CNTNAP2: variants seen among roughly 807,000 people sequenced by gnomAD.
CNTNAP2 encodes the protein contactin-associated protein-like 2.
CNTNAP2 carries 98 observed loss-of-function variants against 155.2 expected under a neutral mutation model. That is an observed-to-expected ratio of 0.63 (90% confidence interval 0.54 to 0.75). The LOEUF is 0.75. Ranked by LOEUF, CNTNAP2 falls within the 30% of genes least tolerant of loss-of-function variation. The probability of loss-of-function intolerance (pLI) is 0.00; values close to 1 mark genes in which losing one functional copy is unlikely to be tolerated. For synonymous variants in CNTNAP2, 651 were observed against 631.2 expected (o/e 1.03, Z -0.47); for missense variants, 1,727 against 1,688.1 (o/e 1.02, Z -0.40).
chr7:147,653,059 AT>A (rs1795472411), intron 13 of CNTNAP2, among the ~76,000 whole-genome samples: 1 of 152,180 alleles, frequency 6.6e-6, no homozygotes, highest in Non-Finnish European at 1.5e-5. Context: ...AAAACATTTG[AT>A]GTGAAAGAAA....
intron 8 of CNTNAP2, among the ~76,000 whole-genome samples, chr7:147,239,510 C>CA (rs74785209): frequency 0.064 from 4,789 of 74,720 alleles, 179 homozygotes; most frequent in Admixed American, 0.15. Context: ...ACTCCGTTTC[C>CA]AAAAAAAAAA....
chr7:146,957,121 G>A (rs1797452854), intron 3 of CNTNAP2, among the ~76,000 whole-genome samples: 1 of 152,074 alleles, frequency 6.6e-6, no homozygotes, highest in African/African-American at 2.4e-5. Context: ...AACAGACCTA[G>A]ATGGTATAGC....
At chr7:146,291,660 C>T (rs1403981850) in intron 1 of CNTNAP2, among the ~76,000 whole-genome samples, 1 of 152,082 alleles carries the variant, frequency 6.6e-6, no homozygotes, top group Non-Finnish European at 1.5e-5. Context: ...GAATGAGTAA[C>T]AGCAGAAAGA....
At chr7:146,844,505 T>A (rs1396406716) in intron 3 of CNTNAP2, among the ~76,000 whole-genome samples, 2 of 151,236 alleles carry the variant, frequency 1.3e-5, no homozygotes, top group African/African-American at 4.9e-5. Context: ...AAGTATAATC[T>A]GTTAGAGAGA....
At chr7:146,296,972 G>C (rs1279004658) in intron 1 of CNTNAP2, among the ~76,000 whole-genome samples, 2 of 152,144 alleles carry the variant, frequency 1.3e-5, no homozygotes, top group East Asian at 3.9e-4. Context: ...GTGTGTGTGT[G>C]TGTGTGTTTC....
At chr7:147,671,602 G>A (rs1273206500) in intron 13 of CNTNAP2, 2 of 151,944 alleles carry the variant, frequency 1.3e-5, no homozygotes, top group African/African-American at 2.4e-5. Context: ...AATACAGAAT[G>A]TTCCCCAAAT....
intron 1 of CNTNAP2, among the ~76,000 whole-genome samples, chr7:146,411,843 T>A (rs1430789285): frequency 8.5e-6 from 1 of 117,474 alleles, no homozygotes; most frequent in African/African-American, 4.3e-5. Flanking sequence ...TATTTATTTA[T>A]TTATTTTATT....
intron 1 of CNTNAP2, among the ~76,000 whole-genome samples, chr7:146,430,438 C>A (rs1484084770): frequency 6.6e-6 from 1 of 151,990 alleles, no homozygotes; most frequent in African/African-American, 2.4e-5. Flanking sequence ...TATAATCTAC[C>A]TTTCACTTGA....
At chr7:148,217,814 T>C (rs1457992303) in intron 19 of CNTNAP2, among the ~76,000 whole-genome samples, 1 of 152,230 alleles carries the variant, frequency 6.6e-6, no homozygotes, top group Non-Finnish European at 1.5e-5. Flanking sequence ...GTAATGATTA[T>C]TTTTTCTCCC....
intron 15 of CNTNAP2, among the ~76,000 whole-genome samples, chr7:148,098,365 A>G (rs1804015961): frequency 7.0e-6 from 1 of 143,724 alleles, no homozygotes; most frequent in Admixed American, 7.3e-5. Context: ...AATCGCTTGA[A>G]TCCAGGAGGC....
At chr7:146,353,787 T>C (rs1360558662) in intron 1 of CNTNAP2, among the ~76,000 whole-genome samples, 1 of 151,330 alleles carries the variant, frequency 6.6e-6, no homozygotes, top group East Asian at 1.9e-4. Flanking sequence ...ATTAAAACAA[T>C]AATAATAATA....
intron 3 of CNTNAP2, among the ~76,000 whole-genome samples, chr7:146,849,567 T>C (rs1025496896): frequency 6.6e-6 from 1 of 152,212 alleles, no homozygotes; most frequent in African/African-American, 2.4e-5. Flanking sequence ...TCGTGGTGTG[T>C]ATTTAACTAT....
At chr7:146,947,218 A>T (rs919243741) in intron 3 of CNTNAP2, among the ~76,000 whole-genome samples, 1 of 151,604 alleles carries the variant, frequency 6.6e-6, no homozygotes, top group Non-Finnish European at 1.5e-5. Context: ...GTTAGAAAAA[A>T]AAAAGTTTGG....
At chr7:147,544,211 C>A (rs1183502673) in intron 11 of CNTNAP2, among the ~76,000 whole-genome samples, 2 of 151,992 alleles carry the variant, frequency 1.3e-5, no homozygotes, top group Admixed American at 1.3e-4. Context: ...ACTAAATTGG[C>A]AAATTATGTT....
At chr7:147,985,031 C>T (rs1234182606) in intron 15 of CNTNAP2, among the ~76,000 whole-genome samples, 1 of 152,016 alleles carries the variant, frequency 6.6e-6, no homozygotes, top group Non-Finnish European at 1.5e-5. Context: ...ATGAGAATCG[C>T]TTGAACCCAG....
At chr7:146,372,075 T>C (rs552174700) in intron 1 of CNTNAP2, among the ~76,000 whole-genome samples, 25 of 151,990 alleles carry the variant, frequency 1.6e-4, no homozygotes, top group Non-Finnish European at 3.1e-4. Flanking sequence ...ATTTACAAAA[T>C]AGGACAATGA....
At chr7:146,377,670 T>G (rs1313200006) in intron 1 of CNTNAP2, among the ~76,000 whole-genome samples, 1 of 152,208 alleles carries the variant, frequency 6.6e-6, no homozygotes, top group East Asian at 1.9e-4. Flanking sequence ...TCAGTAAACA[T>G]TATCTCTGTC....
At chr7:147,207,128 A>G (rs1803038375) in intron 8 of CNTNAP2, among the ~76,000 whole-genome samples, 1 of 152,210 alleles carries the variant, frequency 6.6e-6, no homozygotes, top group African/African-American at 2.4e-5. Context: ...GCAGAATTTA[A>G]TGTGAAAAAC....
At chr7:146,962,644 G>A (rs1797577877) in intron 3 of CNTNAP2, among the ~76,000 whole-genome samples, 1 of 152,184 alleles carries the variant, frequency 6.6e-6, no homozygotes, top group African/African-American at 2.4e-5. Context: ...TCCACCTCCT[G>A]GGTTCAAGCG....
Sources: allele counts gnomAD v4.1 joint callset (sites outside exome capture counted in the v4.1 genomes callset), GRCh38; gene constraint gnomAD v4.1.1; transcripts MANE v1.5; gene names NCBI Gene and HGNC (gene_info 2026-07-23, HGNC 2026-07-21).